The following MYO10 variants were observed in gnomAD, a reference collection of about 807,000 sequenced individuals.
MYO10 encodes unconventional myosin-X.
In MYO10, 133 loss-of-function variants were observed where a neutral mutation model predicts 257.3. That is an observed-to-expected ratio of 0.52 (90% CI 0.45 to 0.60). MYO10 has a LOEUF of 0.60. Ranked by LOEUF, MYO10 falls within the 20% of genes least tolerant of loss-of-function variation. The pLI, the probability that MYO10 is intolerant of heterozygous loss-of-function variation, is 0.00. For missense variants in MYO10, 2,399 were observed against 2,635.7 expected (o/e 0.91, Z 1.97); for synonymous variants, 1,104 against 1,028.6 (o/e 1.07, Z -1.40).
chr5:16,754,527 ACT>A (rs1379443085), intron 19 of MYO10, among the ~76,000 whole-genome samples: 1 of 151,666 alleles, frequency 6.6e-6, no homozygotes, highest in African/African-American at 2.4e-5. Flanking sequence ...GATGTATCAC[ACT>A]CTGAAACTTT....
At chr5:16,815,166 A>AG (rs1742565460) in intron 3 of MYO10, 1 of 381,158 alleles carries the variant, frequency 2.6e-6, no homozygotes, top group South Asian at 4.7e-5. Flanking sequence ...CTATTACAAA[A>AG]AAAAACAAAC....
rs200041837 is a variant in MYO10 at position 16,739,331 on chromosome 5, TTGTTTC to T, written c.1929+15491_1929+15496del. 1.0e-2 allele frequency among the ~76,000 whole-genome samples: 1,520 copies of T among 152,286 alleles called. 58 individuals are homozygous for T. The highest frequency in any genetic ancestry group is 0.075 in the Admixed American group (1,151 of 15,286). On this transcript the variant is annotated intron_variant, in intron 19 of 40. Coordinates refer to ENST00000513610, the MANE Select transcript of MYO10 (RefSeq NM_012334.3). Reference sequence around the variant, plus strand: ...TTATATTTCACCTTTTGCAAATTTCTTGTTTCTGTTTTTTACTCGTTTTTCTACTAA... The same window carrying T: ...TTATATTTCACCTTTTGCAAATTTCTTGTTTTTTACTCGTTTTTCTACTAA...
At chr5:16,715,104 TAAAAA>T (rs879256213) in intron 19 of MYO10, among the ~76,000 whole-genome samples, 1 of 63,630 alleles carries the variant, frequency 1.6e-5, no homozygotes, top group Non-Finnish European at 3.4e-5. Flanking sequence ...AAAAATAAAT[TAAAAA>T]AAAATTTTTT....
rs773632050 is a variant in MYO10, at chr5:16,701,408, C to A, written c.2987G>T (p.Gly996Val). ...QPYPEEEVDE[G>V]FEADDDAFKD... ...GAAGGCGTCGTCGTCGGCTTCGAAG[C>A]CCTCATCGACCTCCTCCTCTGGGTA... Residue 996 changes from glycine to valine, a missense_variant, in exon 25 of 41, where the codon GGC (glycine) becomes GTC (valine). Physicochemically the swap from Gly to Val is moderately radical, Grantham distance 109 (BLOSUM62 -3). Transcript: ENST00000513610. This position sits in a 1 kb window ranked among gnomAD's most constrained non-coding sequence, Gnocchi z 8.1. The A allele has an allele frequency of 6.2e-7, 1 of 1,614,002 alleles. No homozygotes were observed. Among genetic ancestry groups the A allele is most frequent in the Non-Finnish European group, 8.5e-7 (1 of 1,179,894 alleles).
intron 30 of MYO10, among the ~76,000 whole-genome samples, chr5:16,683,465 CTACAT>C (rs1476320152): frequency 2.6e-5 from 4 of 152,162 alleles, no homozygotes; most frequent in South Asian, 2.1e-4. Context: ...TATTAATACT[CTACAT>C]ATACATTATC....
chr5:16,867,602 T>C lies in MYO10; in HGVS notation c.120+10007A>G, dbSNP rs149582831. On this transcript the variant is annotated intron_variant, in intron 2 of 40. Transcript: ENST00000513610. Reference sequence around the variant, plus strand: ...ACCAAGTTTCACAAAATTGGGCCGATGGCATTAACTCCAACAAACCAAAAC... The same window carrying C: ...ACCAAGTTTCACAAAATTGGGCCGACGGCATTAACTCCAACAAACCAAAAC... Among the ~76,000 whole-genome samples the C allele has an allele frequency of 7.1e-4, 108 of 152,304 alleles. No individual in the cohort carries two copies. The Middle Eastern group carries it at 0.01, about 14-fold the overall frequency.
At chr5:16,680,256 T>C (rs564259737) in intron 32 of MYO10, among the ~76,000 whole-genome samples, 152 bp from the exon 33 acceptor site, 63 of 152,268 alleles carry the variant, frequency 4.1e-4, no homozygotes, top group Non-Finnish European at 7.9e-4. Context: ...TGCCCTGCAC[T>C]AGGTATCTAG....
Position 16,701,550 on chromosome 5 carries a change from C to A in MYO10, c.2845G>T (p.Glu949Ter). 6.2e-7 allele frequency: 1 copy of A among 1,613,952 alleles called. No homozygotes were observed. The highest frequency in any genetic ancestry group is 8.5e-7 in the Non-Finnish European group (1 of 1,179,886). ...ATATTCCGGACACACTCGTCGATCTCGTCGAAATTGAGGGACTCGAGGAAC... is the reference window on the plus strand; with the variant it reads ...ATATTCCGGACACACTCGTCGATCTAGTCGAAATTGAGGGACTCGAGGAAC... ...QEFLESLNFD[E>*]IDECVRNIER... The change falls in exon 25 of 41, where the codon GAG (glutamate) becomes TAG (stop). Residue 949 changes from glutamate (E) to a stop codon, truncating the protein, a stop_gained. Coordinates refer to ENST00000513610, the MANE Select transcript of MYO10 (RefSeq NM_012334.3). LOFTEE classifies it high-confidence loss of function. This position sits in a 1 kb window ranked among gnomAD's most constrained non-coding sequence, Gnocchi z 8.1.
At chr5:16,716,833 TA>T (rs758318816) in intron 19 of MYO10, among the ~76,000 whole-genome samples, 5 of 152,102 alleles carry the variant, frequency 3.3e-5, no homozygotes, top group South Asian at 2.1e-4. Context: ...TCAAACCGGT[TA>T]TTTTTTTTAT....
chr5:16,902,592 T>A (rs2562358), intron 1 of MYO10: 700,222 of 1,570,168 alleles, frequency 0.45, 158,955 homozygotes, highest in Admixed American at 0.67. Context: ...AGGCTGCACG[T>A]GGCCGCGGCC....
intron 1 of MYO10, among the ~76,000 whole-genome samples, chr5:16,927,514 C>T (rs2625188): frequency 0.47 from 71,397 of 151,766 alleles, 17,110 homozygotes; most frequent in African/African-American, 0.53. Context: ...TTAGTAGAGA[C>T]GGGGTTTCAC....
At chr5:16,900,570 CG>C (rs771782492) in intron 1 of MYO10, among the ~76,000 whole-genome samples, 1 of 151,980 alleles carries the variant, frequency 6.6e-6, no homozygotes, top group Non-Finnish European at 1.5e-5. Flanking sequence ...TTTCAAAAGA[CG>C]GGGGACCGAT....
intron 19 of MYO10, among the ~76,000 whole-genome samples, chr5:16,743,872 C>T (rs1740096122): frequency 6.6e-6 from 1 of 152,002 alleles, no homozygotes; most frequent in Admixed American, 6.6e-5. Flanking sequence ...AATAATGTAG[C>T]AATACTGCTT....
chr5:16,907,459 TG>T (rs1745548910), intron 1 of MYO10, among the ~76,000 whole-genome samples: 1 of 152,142 alleles, frequency 6.6e-6, no homozygotes, highest in South Asian at 2.1e-4. Flanking sequence ...CCAAGTCTGC[TG>T]ATCAACAGGT....
intron 4 of MYO10, among the ~76,000 whole-genome samples, chr5:16,789,951 G>A (rs1047186280): frequency 2.0e-5 from 3 of 152,042 alleles, no homozygotes; most frequent in African/African-American, 7.2e-5. Flanking sequence ...GAATACACAA[G>A]AATAAGTCTT....
chr5:16,669,825 T>C (rs1192789563), intron 39 of MYO10, among the ~76,000 whole-genome samples: 2 of 152,200 alleles, frequency 1.3e-5, no homozygotes, highest in Non-Finnish European at 2.9e-5. Flanking sequence ...GGCACACTTA[T>C]CTGTTAAGGG....
chr5:16,909,209 T>G (rs1057229530), intron 1 of MYO10, among the ~76,000 whole-genome samples: 1 of 152,054 alleles, frequency 6.6e-6, no homozygotes, highest in Non-Finnish European at 1.5e-5. Context: ...GAACTGCCCT[T>G]TATAAAACCA....
At chr5:16,821,715 C>T (rs1742823177) in intron 2 of MYO10, among the ~76,000 whole-genome samples, 1 of 151,738 alleles carries the variant, frequency 6.6e-6, no homozygotes, top group African/African-American at 2.4e-5. Flanking sequence ...ATCCACCTGC[C>T]TCGGCCTCCC....
At chr5:16,719,145 T>C (rs1304151800) in intron 19 of MYO10, among the ~76,000 whole-genome samples, 1 of 152,158 alleles carries the variant, frequency 6.6e-6, no homozygotes, top group African/African-American at 2.4e-5. Flanking sequence ...CACGAAGATC[T>C]GCAGCTTCAC....
Sources: gnomAD v4.1 joint callset for allele counts (sites outside exome capture counted in the v4.1 genomes callset) on GRCh38, gnomAD v4.1.1 for gene constraint, Gnocchi (gnomAD v3.1) non-coding constraint, MANE v1.5 for transcripts, NCBI Gene and HGNC (gene_info 2026-07-23, HGNC 2026-07-21) for gene names.